The following EIF3B variants were observed in gnomAD, a reference collection of about 807,000 sequenced individuals.
The protein encoded by EIF3B is eukaryotic translation initiation factor 3 subunit 9.
A neutral mutation model predicts 104.6 loss-of-function variants in EIF3B; 10 were observed. The observed-to-expected ratio is 0.10, with a 90% CI of 0.06 to 0.16. The LOEUF is 0.16. Ranked by LOEUF, EIF3B falls within the 10% of genes least tolerant of loss-of-function variation. The pLI is 1.00. For missense variants in EIF3B, 1,014 were observed against 1,087.9 expected (o/e 0.93, Z 0.96); for synonymous variants, 542 against 417.2 (o/e 1.30, Z -3.65).
intron 16 of EIF3B, 52 bp from the exon 17 acceptor site, chr7:2,379,082 T>A: frequency 6.5e-7 from 1 of 1,536,312 alleles, no homozygotes; most frequent in Non-Finnish European, 9.0e-7. Flanking sequence ...CTCTTCGCGA[T>A]GGGGAGGCAC....
At chr7:2,368,398 C>A (rs941893474) in intron 9 of EIF3B, among the ~76,000 whole-genome samples, 1 of 152,200 alleles carries the variant, frequency 6.6e-6, no homozygotes, top group Non-Finnish European at 1.5e-5. Context: ...CGCCTGCCCG[C>A]CTCAGCCTCT....
Position 2,354,957 on chromosome 7 carries a change from G to C in EIF3B, c.36G>C (p.Ala12=). Residue 12 remains alanine (A), a synonymous_variant, in exon 1 of 19, where the codon GCG becomes GCC. Coordinates refer to ENST00000360876, the MANE Select transcript of EIF3B (RefSeq NM_001037283.2). ...CGGAGAACGTGGCGGTGCCCGAGGC[G>C]GCCGAGGAGCGCGCCGAGCCCGGCC... ...QDAENVAVPE[A]AEERAEPGQQ... The C allele has an allele frequency of 3.3e-6, 4 of 1,219,172 alleles. No individual in the cohort carries two copies. Among genetic ancestry groups the C allele is most frequent in the Non-Finnish European group, 4.1e-6 (4 of 973,376 alleles). The allele number at this position is 1,219,172 out of a possible 1,614,324, so 75.5% of individuals were successfully genotyped here. A position where few individuals can be genotyped will look rare whatever the true frequency, so the allele number is the denominator to read the frequency against.
chr7:2,362,171 G>A (rs1290868366), intron 2 of EIF3B, among the ~76,000 whole-genome samples: 1 of 151,972 alleles, frequency 6.6e-6, no homozygotes, highest in African/African-American at 2.4e-5. Flanking sequence ...TGTTGGCCGG[G>A]CTGGTCTCGA....
chr7:2,379,814 T>G, intron 18 of EIF3B: 3 of 386,808 alleles, frequency 7.8e-6, no homozygotes, highest in African/African-American at 2.1e-5. Flanking sequence ...CATTTCCTGA[T>G]ACCTGTGCTA....
Position 2,354,867 on chromosome 7 carries a change from G to C in EIF3B, c.-55G>C. 9.0e-7 allele frequency: 1 copy of C among 1,114,422 alleles called. No individual in the cohort carries two copies. Among genetic ancestry groups the C allele is most frequent in the Non-Finnish European group, 1.1e-6 (1 of 914,356 alleles). The allele number at this position is 1,114,422 out of a possible 1,614,324, so 69.0% of individuals were successfully genotyped here. ...CCGTCGCGGCGCGCGGTGCGGCCTG[G>C]GAGAGTCGGAAGCGCGGCGGCCGCG... On this transcript the variant is annotated 5_prime_UTR_variant, in exon 1 of 19. Coordinates refer to ENST00000360876, the MANE Select transcript of EIF3B (RefSeq NM_001037283.2).
intron 11 of EIF3B, 91 bp from the exon 12 acceptor site, chr7:2,372,582 C>A: frequency 4.1e-6 from 6 of 1,476,988 alleles, no homozygotes; most frequent in Non-Finnish European, 5.5e-6. Context: ...GGGGATATTT[C>A]TCTGTGGTTG....
rs1361389093 is a variant in EIF3B at position 2,354,888 on chromosome 7, C to T, written c.-34C>T. The T allele has an allele frequency of 6.5e-5, 76 of 1,160,428 alleles. No individual in the cohort carries two copies. Among genetic ancestry groups the T allele is most frequent in the Non-Finnish European group, 7.6e-5 (72 of 943,810 alleles). 71.9% of individuals were successfully genotyped at this position (1,160,428 alleles called of 1,614,324 possible). ...CCTGGGAGAGTCGGAAGCGCGGCGGCCGCGGAGCCCTGCGAGTAGGCAGCG... is the reference window on the plus strand; with the variant it reads ...CCTGGGAGAGTCGGAAGCGCGGCGGTCGCGGAGCCCTGCGAGTAGGCAGCG... On this transcript the variant is annotated 5_prime_UTR_variant, in exon 1 of 19. Transcript: ENST00000360876.
chr7:2,368,890 A>T (rs1780170495), intron 9 of EIF3B, among the ~76,000 whole-genome samples: 1 of 152,252 alleles, frequency 6.6e-6, no homozygotes, highest in Admixed American at 6.5e-5. Flanking sequence ...TATGGCTTAT[A>T]AAATGAAAAG....
Position 2,376,978 on chromosome 7 carries a change from T to G in EIF3B, c.2057T>G (p.Phe686Cys). 6.2e-7 allele frequency: 1 copy of G among 1,613,948 alleles called. No individual in the cohort carries two copies. Among genetic ancestry groups the G allele is most frequent in the Non-Finnish European group, 8.5e-7 (1 of 1,180,022 alleles). The change falls in exon 15 of 19, where the codon TTC (phenylalanine) becomes TGC (cysteine). Residue 686 changes from phenylalanine (F) to cysteine (C), a missense_variant. Physicochemically the swap from Phe to Cys is radical, Grantham distance 205. This residue lies in a region of EIF3B where 266 missense variants were observed against 324.0 expected (regional missense o/e 0.82). Coordinates refer to ENST00000360876, the MANE Select transcript of EIF3B (RefSeq NM_001037283.2). ...KVDNAYWLWT[F>C]QGRLLQKNNK... ...GACAACGCGTACTGGCTGTGGACTT[T>G]CCAGGGACGCCTCCTGCAGAAGAAC...
At chr7:2,372,079 C>T (rs1294052911) in intron 11 of EIF3B, 1 of 496,468 alleles carries the variant, frequency 2.0e-6, no homozygotes, top group South Asian at 2.3e-5. Flanking sequence ...TGGTGGTGCG[C>T]ACCGATAGTC....
chr7:2,372,541 T>A (rs1406049225), intron 11 of EIF3B, 132 bp from the exon 12 acceptor site: 1 of 1,151,512 alleles, frequency 8.7e-7, no homozygotes, highest in African/African-American at 1.6e-5. Flanking sequence ...TTGCTTGCTC[T>A]CCCGTCCTTT....
chr7:2,354,999 C>A lies in EIF3B; in HGVS notation c.78C>A (p.Ala26=). The A allele has an allele frequency of 8.5e-7, 1 of 1,177,174 alleles. No individual in the cohort carries two copies. The allele number at this position is 1,177,174 out of a possible 1,614,324, so 72.9% of individuals were successfully genotyped here. ...AGCCCGGCCAGCAGCAGCCGGCCGC[C>A]GAGCCGCCGCCAGCCGAGGGGCTGC... ...RAEPGQQQPA[A]EPPPAEGLLR... The change falls in exon 1 of 19, where the codon GCC becomes GCA. Residue 26 remains alanine, a synonymous_variant. Coordinates refer to ENST00000360876, the MANE Select transcript of EIF3B (RefSeq NM_001037283.2).
At chr7:2,369,182 C>T (rs73673814) in intron 9 of EIF3B, among the ~76,000 whole-genome samples, 5,075 of 152,196 alleles carry the variant, frequency 0.033, 255 homozygotes, top group African/African-American at 0.11. Context: ...AGTGGGCTGA[C>T]GGAGCCCAGG....
At position 2,378,676 on chromosome 7, in the gene EIF3B, T is replaced by C. The variant is rs536873150; in HGVS notation, c.2155-13T>C. On this transcript the variant is annotated splice_polypyrimidine_tract_variant and intron_variant, in intron 15 of 18. Transcript: ENST00000360876. ...TGAATGTTAAATCCTGAGTGATGGG[T>C]CTTTTGTTTCAGCAAATTAAAAAGG... The C allele has an allele frequency of 6.2e-7, 1 of 1,611,142 alleles. No individual in the cohort carries two copies. Among genetic ancestry groups the C allele is most frequent in the East Asian group, 2.2e-5 (1 of 44,876 alleles).
intron 14 of EIF3B, chr7:2,375,847 G>A (rs550165686): frequency 5.9e-5 from 18 of 307,054 alleles, no homozygotes; most frequent in Non-Finnish European, 9.2e-5. Context: ...TTCCATAACC[G>A]CAGACATTAA....
chr7:2,368,857 G>A (rs551251809), intron 9 of EIF3B, among the ~76,000 whole-genome samples: 5 of 152,306 alleles, frequency 3.3e-5, no homozygotes, highest in South Asian at 4.1e-4. Context: ...TTCTTCTTTC[G>A]TTTTTACATT....
At chr7:2,357,790 C>T (rs1779532943) in intron 1 of EIF3B, among the ~76,000 whole-genome samples, 1 of 152,170 alleles carries the variant, frequency 6.6e-6, no homozygotes, top group Non-Finnish European at 1.5e-5. Flanking sequence ...CATTTATTTC[C>T]TTCCTACGTG....
intron 18 of EIF3B, chr7:2,379,818 T>G (rs1780898176): frequency 2.6e-6 from 1 of 380,864 alleles, no homozygotes; most frequent in Non-Finnish European, 4.9e-6. Flanking sequence ...TCCTGATACC[T>G]GTGCTAGTGA....
intron 6 of EIF3B, among the ~76,000 whole-genome samples, chr7:2,365,667 G>GTT (rs138137672): frequency 2.1e-4 from 23 of 107,870 alleles, no homozygotes; most frequent in African/African-American, 6.4e-4. Context: ...TTGTTTGTTT[G>GTT]TTTGTTTGTT....
Sources: allele counts gnomAD v4.1 joint callset (sites outside exome capture counted in the v4.1 genomes callset), GRCh38; gene constraint gnomAD v4.1.1; regional missense constraint gnomAD v4.1.1; transcripts MANE v1.5; gene names NCBI Gene and HGNC (gene_info 2026-07-23, HGNC 2026-07-21).